CA10: variants seen among roughly 807,000 people sequenced by gnomAD.
The protein encoded by CA10 is carbonic anhydrase-related protein 10.
A neutral mutation model predicts 44.2 loss-of-function variants in CA10; 14 were observed. The ratio of observed to expected loss-of-function variants is 0.32; its 90% CI spans 0.21 to 0.50. The LOEUF (loss-of-function observed/expected upper bound fraction) is 0.50. Among genes scored for constraint, CA10 ranks in the 20% least tolerant of loss-of-function variants. CA10 has a pLI of 0.99. For missense variants in CA10, 350 were observed against 409.7 expected, an observed-to-expected ratio of 0.85 and a Z score of 1.26; for synonymous variants, 159 against 141.6, an observed-to-expected ratio of 1.12 and a Z score of -0.87.
At chr17:51,635,809 TAACATCA>T in intron 7 of CA10, 39 bp downstream of exon 7, 1 of 1,440,714 alleles carries the variant, frequency 6.9e-7, no homozygotes, top group Admixed American at 2.2e-5. Flanking sequence ...GATTTTTTTT[TAACATCA>T]TTCTTCTCCA....
intron 6 of CA10, among the ~76,000 whole-genome samples, chr17:51,642,097 C>T (rs1178506913): frequency 6.6e-6 from 1 of 152,116 alleles, no homozygotes; most frequent in Non-Finnish European, 1.5e-5. Context: ...TTTTGTTTTA[C>T]ACAAACAATA....
intron 2 of CA10, among the ~76,000 whole-genome samples, chr17:52,061,580 T>C (rs964103220): frequency 2.0e-5 from 3 of 152,098 alleles, no homozygotes; most frequent in African/African-American, 7.2e-5. Context: ...TGGGAGGTGA[T>C]TGGATCATGG....
At chr17:51,699,472 C>T (rs1915517085) in intron 4 of CA10, among the ~76,000 whole-genome samples, 1 of 152,160 alleles carries the variant, frequency 6.6e-6, no homozygotes, top group Admixed American at 6.5e-5. Context: ...ACACACAGCC[C>T]CCAGGCCTAC....
intron 3 of CA10, among the ~76,000 whole-genome samples, chr17:51,775,107 G>T (rs975529073): frequency 2.0e-5 from 3 of 152,144 alleles, no homozygotes; most frequent in Admixed American, 6.5e-5. Flanking sequence ...CTCCTCTAAA[G>T]GGGGAGGGGC....
chr17:51,853,729 G>C (rs989232058), intron 3 of CA10, among the ~76,000 whole-genome samples: 4 of 152,100 alleles, frequency 2.6e-5, no homozygotes, highest in Non-Finnish European at 4.4e-5. Context: ...ATGGATCATG[G>C]GGGCGGTTTC....
intron 2 of CA10, among the ~76,000 whole-genome samples, chr17:51,950,679 C>T (rs970104444): frequency 1.3e-5 from 2 of 152,132 alleles, no homozygotes; most frequent in Non-Finnish European, 2.9e-5. Context: ...GTTAGTTTCT[C>T]TTAAACTCTG....
rs528636888 is a variant in CA10 at position 51,678,936 on chromosome 17, A to G, written c.466-25200T>C. Among the ~76,000 whole-genome samples, 253 of 152,352 alleles carry G rather than the reference A, an allele frequency of 1.7e-3. 2 individuals carry two copies. Among genetic ancestry groups the G allele is most frequent in the African/African-American group, 5.4e-3 (223 of 41,584 alleles). The stretch of plus-strand genomic sequence containing the variant: ...GGAAACTAAGCTTTGGGAGAGACTA[A>G]TAATAGAATGAAGGGAAAGAAGGAC... On this transcript the variant is annotated intron_variant, in intron 4 of 8. Coordinates refer to ENST00000451037, the MANE Select transcript of CA10 (RefSeq NM_020178.5).
At chr17:51,683,524 T>C (rs1187218593) in intron 4 of CA10, among the ~76,000 whole-genome samples, 1 of 152,230 alleles carries the variant, frequency 6.6e-6, no homozygotes, top group African/African-American at 2.4e-5. Flanking sequence ...GGTCTTAATA[T>C]TATCCATTCC....
At chr17:51,870,982 T>C (rs1979776631) in intron 3 of CA10, among the ~76,000 whole-genome samples, 1 of 151,872 alleles carries the variant, frequency 6.6e-6, no homozygotes, top group Admixed American at 6.6e-5. Flanking sequence ...GACAAAACAT[T>C]GAATGGTAGA....
At chr17:52,021,013 AT>A (rs1986122876) in intron 2 of CA10, among the ~76,000 whole-genome samples, 1 of 152,136 alleles carries the variant, frequency 6.6e-6, no homozygotes, top group Admixed American at 6.5e-5. Context: ...AGAGTTTTAC[AT>A]GGTTTGTATG....
At chr17:52,094,502 C>T (rs1988353584) in intron 1 of CA10, among the ~76,000 whole-genome samples, 1 of 151,944 alleles carries the variant, frequency 6.6e-6, no homozygotes, top group Non-Finnish European at 1.5e-5. Flanking sequence ...AAAGATATCA[C>T]AAAAGAGTGA....
At chr17:52,030,130 C>G (rs1177089542) in intron 2 of CA10, among the ~76,000 whole-genome samples, 1 of 152,216 alleles carries the variant, frequency 6.6e-6, no homozygotes, top group Non-Finnish European at 1.5e-5. Context: ...AGCAGTAAAT[C>G]CTGGCTGCCC....
chr17:51,970,354 T>C (rs1346109739), intron 2 of CA10, among the ~76,000 whole-genome samples: 1 of 146,664 alleles, frequency 6.8e-6, no homozygotes, highest in African/African-American at 2.5e-5. Context: ...AAAAAAGTCC[T>C]CCACAAAGTA....
intron 2 of CA10, among the ~76,000 whole-genome samples, chr17:51,949,657 C>G (rs1983411209): frequency 6.6e-6 from 1 of 152,108 alleles, no homozygotes; most frequent in Non-Finnish European, 1.5e-5. Context: ...CTTATTAAGA[C>G]AGTTGGCCCT....
intron 1 of CA10, among the ~76,000 whole-genome samples, chr17:52,118,346 C>T (rs1988942103): frequency 6.6e-6 from 1 of 152,048 alleles, no homozygotes; most frequent in Admixed American, 6.6e-5. Flanking sequence ...CAAAGTCTTC[C>T]CTGTTAATGA....
chr17:51,947,340 G>A (rs1477812047), intron 2 of CA10, among the ~76,000 whole-genome samples: 2 of 151,702 alleles, frequency 1.3e-5, no homozygotes, highest in Non-Finnish European at 2.9e-5. Context: ...GAATGGGAGA[G>A]CCTCATAAAA....
chr17:52,102,997 T>C (rs1055741636), intron 1 of CA10, among the ~76,000 whole-genome samples: 1 of 152,216 alleles, frequency 6.6e-6, no homozygotes, highest in Admixed American at 6.5e-5. Flanking sequence ...TTTCCTGCTA[T>C]GTGCACGCAC....
intron 3 of CA10, among the ~76,000 whole-genome samples, chr17:51,859,571 T>C (rs1275164814): frequency 6.6e-6 from 1 of 152,152 alleles, no homozygotes; most frequent in African/African-American, 2.4e-5. Flanking sequence ...CACAGGCCAC[T>C]GAAGGGCTGT....
intron 3 of CA10, among the ~76,000 whole-genome samples, chr17:51,754,400 G>GATATATATATATATATATAT (rs56145404): frequency 1.4e-5 from 1 of 73,074 alleles, no homozygotes; most frequent in African/African-American, 5.5e-5. Flanking sequence ...GTGTGTGTGT[G>GATATATATATATATATATAT]ATATATATAT....
Sources: gnomAD v4.1 joint callset for allele counts (sites outside exome capture counted in the v4.1 genomes callset) on GRCh38, gnomAD v4.1.1 for gene constraint, MANE v1.5 for transcripts, NCBI Gene and HGNC (gene_info 2026-07-23, HGNC 2026-07-21) for gene names.